Variants in SOX5 observed in about 807,000 individuals in gnomAD.
The protein encoded by SOX5 is SRY-box transcription factor 5.
SOX5 carries 9 observed loss-of-function variants against 92.0 expected under a neutral mutation model. The ratio of observed to expected loss-of-function variants is 0.10; its 90% CI spans 0.06 to 0.17. The LOEUF (loss-of-function observed/expected upper bound fraction) is 0.17, where lower values mean the gene tolerates loss of function less well. Ranked by LOEUF, SOX5 falls within the 10% of genes least tolerant of loss-of-function variation. SOX5 has a pLI of 1.00. For missense variants in SOX5, 642 were observed against 944.5 expected (o/e 0.68, Z 4.20); for synonymous variants, 344 against 336.3 (o/e 1.02, Z -0.25).
intron 1 of SOX5, among the ~76,000 whole-genome samples, chr12:24,506,175 A>G (rs1251277136): frequency 6.6e-6 from 1 of 152,134 alleles, no homozygotes; most frequent in Non-Finnish European, 1.5e-5. Context: ...TCTTTACATG[A>G]CAATAGTTAC....
At chr12:23,643,289 AC>A (rs2080365947) in intron 7 of SOX5, among the ~76,000 whole-genome samples, 2 of 152,258 alleles carry the variant, frequency 1.3e-5, no homozygotes, top group South Asian at 4.1e-4. Flanking sequence ...GGTAGTATGT[AC>A]TGGGTTTGTA....
intron 2 of SOX5, among the ~76,000 whole-genome samples, chr12:24,343,641 A>G (rs1952837488): frequency 6.6e-6 from 1 of 152,004 alleles, no homozygotes; most frequent in Non-Finnish European, 1.5e-5. Flanking sequence ...TGGCTTTTCC[A>G]TTATTATATC....
chr12:24,063,587 T>G (rs1940136877), intron 4 of SOX5, among the ~76,000 whole-genome samples: 1 of 152,232 alleles, frequency 6.6e-6, no homozygotes, highest in African/African-American at 2.4e-5. Flanking sequence ...TGAAGGCATC[T>G]GGCTTTACTT....
intron 3 of SOX5, among the ~76,000 whole-genome samples, chr12:23,768,980 T>G (rs2094832477): frequency 6.6e-6 from 1 of 152,164 alleles, no homozygotes; most frequent in Non-Finnish European, 1.5e-5. Flanking sequence ...ATCAGAAAAT[T>G]TCCAAAATGT....
At chr12:24,314,647 A>G (rs1313209924) in intron 2 of SOX5, among the ~76,000 whole-genome samples, 4 of 152,206 alleles carry the variant, frequency 2.6e-5, no homozygotes, top group African/African-American at 9.6e-5. Context: ...AGTCCTTACA[A>G]TGCCCTATGC....
chr12:23,564,650 G>A (rs751460119), intron 10 of SOX5, among the ~76,000 whole-genome samples: 4 of 152,136 alleles, frequency 2.6e-5, no homozygotes, highest in African/African-American at 7.2e-5. Context: ...GCCAAAACAC[G>A]CTATTAAATC....
At chr12:23,760,029 A>G (rs1176818114) in intron 3 of SOX5, among the ~76,000 whole-genome samples, 1 of 152,012 alleles carries the variant, frequency 6.6e-6, no homozygotes, top group Non-Finnish European at 1.5e-5. Context: ...TTTTTCACTT[A>G]ACTCTAAAAG....
rs1374959560 is a variant in SOX5 at position 23,793,370 on chromosome 12, A to C, written c.482-37646T>G. Reference sequence around the variant, plus strand: ...CACTAAAATCAGTACATTAGCCAAAAGTAGCTTATAAAGAAAATAACCCTT... The same window carrying C: ...CACTAAAATCAGTACATTAGCCAAACGTAGCTTATAAAGAAAATAACCCTT... On this transcript the variant is annotated intron_variant, in intron 3 of 14. Transcript: ENST00000451604. 3.3e-5 allele frequency among the ~76,000 whole-genome samples: 5 copies of C among 152,330 alleles called. No individual in the cohort carries two copies. The East Asian group carries it at 7.7e-4, about 23-fold the overall frequency.
chr12:23,842,493 C>A (rs922809634), intron 3 of SOX5, among the ~76,000 whole-genome samples: 1 of 152,116 alleles, frequency 6.6e-6, no homozygotes, highest in African/African-American at 2.4e-5. Context: ...CTCAAAGGAA[C>A]GATACGTCAG....
intron 3 of SOX5, among the ~76,000 whole-genome samples, chr12:23,802,794 T>C (rs979695719): frequency 1.3e-5 from 2 of 152,208 alleles, no homozygotes; most frequent in Admixed American, 6.5e-5. Flanking sequence ...TACGTAATTA[T>C]CTTAACTCTG....
intron 3 of SOX5, among the ~76,000 whole-genome samples, chr12:23,769,775 T>A (rs1396459792): frequency 6.6e-6 from 1 of 152,198 alleles, no homozygotes; most frequent in African/African-American, 2.4e-5. Context: ...AGATCAACAT[T>A]ATGAAATACA....
intron 2 of SOX5, among the ~76,000 whole-genome samples, chr12:24,319,933 CT>C (rs1950053096): frequency 6.6e-6 from 1 of 152,144 alleles, no homozygotes; most frequent in Non-Finnish European, 1.5e-5. Context: ...TTAACAATTC[CT>C]TCATTTGTTT....
chr12:23,816,722 G>A (rs1471110954), intron 3 of SOX5, among the ~76,000 whole-genome samples: 3 of 152,186 alleles, frequency 2.0e-5, no homozygotes, highest in Non-Finnish European at 2.9e-5. Flanking sequence ...AAAGGGTGAT[G>A]CAAGGAAAAG....
intron 1 of SOX5, among the ~76,000 whole-genome samples, chr12:24,408,741 G>A (rs1013044130): frequency 8.5e-5 from 13 of 152,288 alleles, no homozygotes; most frequent in Middle Eastern, 3.4e-3. Context: ...ATCATTTATT[G>A]AAGGATGCTG....
At chr12:23,660,795 A>T (rs1342015405) in intron 7 of SOX5, among the ~76,000 whole-genome samples, 1 of 152,180 alleles carries the variant, frequency 6.6e-6, no homozygotes, top group Admixed American at 6.5e-5. Context: ...TGGTTCAATA[A>T]TTGTTTCATG....
At chr12:23,938,338 A>C (rs1943004575) in intron 1 of SOX5, among the ~76,000 whole-genome samples, 1 of 151,054 alleles carries the variant, frequency 6.6e-6, no homozygotes, top group Non-Finnish European at 1.5e-5. Context: ...AAGAATATGT[A>C]GCTAATGCAA....
At chr12:23,536,365 C>T in intron 14 of SOX5, 88 bp downstream of exon 14, 8 of 1,028,726 alleles carry the variant, frequency 7.8e-6, no homozygotes, top group Admixed American at 6.1e-5. Context: ...TTCAAAATGT[C>T]TTTTTGCAAC....
chr12:24,447,195 T>G (rs948507537), intron 1 of SOX5, among the ~76,000 whole-genome samples: 1 of 151,860 alleles, frequency 6.6e-6, no homozygotes, highest in East Asian at 1.9e-4. Flanking sequence ...GAGAACAGAG[T>G]AACTTTACAC....
intron 8 of SOX5, among the ~76,000 whole-genome samples, chr12:23,631,365 A>G (rs2078510109): frequency 6.6e-6 from 1 of 152,130 alleles, no homozygotes; most frequent in African/African-American, 2.4e-5. Flanking sequence ...GATAAACATA[A>G]TCTGTGAACT....
Sources: allele counts gnomAD v4.1 joint callset (sites outside exome capture counted in the v4.1 genomes callset), GRCh38; gene constraint gnomAD v4.1.1; transcripts MANE v1.5; gene names NCBI Gene and HGNC (gene_info 2026-07-23, HGNC 2026-07-21).